PPM1D: variants seen among roughly 807,000 people sequenced by gnomAD.
The protein encoded by PPM1D is protein phosphatase 1D.
PPM1D carries 52 observed loss-of-function variants against 58.3 expected under a neutral mutation model. The ratio of observed to expected loss-of-function variants is 0.89; its 90% CI spans 0.71 to 1.12. The LOEUF (loss-of-function observed/expected upper bound fraction) is 1.12, where lower values mean the gene tolerates loss of function less well. Among genes scored for constraint, PPM1D ranks in the 50% most tolerant of loss-of-function variants. The pLI, the probability that PPM1D is intolerant of heterozygous loss-of-function variation, is 0.00. For missense variants in PPM1D, 564 were observed against 777.2 expected, an observed-to-expected ratio of 0.73 and a Z score of 3.26; for synonymous variants, 278 against 285.1, an observed-to-expected ratio of 0.98 and a Z score of 0.25.
intron 2 of PPM1D, among the ~76,000 whole-genome samples, chr17:60,625,092 A>C (rs965915171): frequency 1.6e-4 from 25 of 152,076 alleles, no homozygotes; most frequent in African/African-American, 5.8e-4. Flanking sequence ...CAGTGAGCTG[A>C]GATTGCGCCA....
intron 4 of PPM1D, 126 bp downstream of exon 4, chr17:60,648,208 G>GTGGGTAA: frequency 1.1e-6 from 1 of 950,906 alleles, no homozygotes; most frequent in Non-Finnish European, 1.5e-6. Context: ...TGATCTGCTA[G>GTGGGTAA]TGGGTAAAAC....
intron 3 of PPM1D, among the ~76,000 whole-genome samples, chr17:60,643,603 A>G (rs1309321798): frequency 1.3e-5 from 2 of 152,082 alleles, no homozygotes; most frequent in Non-Finnish European, 2.9e-5. Flanking sequence ...CTTTCACCCT[A>G]CAGACTACTC....
intron 3 of PPM1D, among the ~76,000 whole-genome samples, chr17:60,644,395 C>T (rs904290529): frequency 2.6e-5 from 4 of 152,148 alleles, no homozygotes; most frequent in African/African-American, 9.7e-5. Context: ...CTCCACCTCC[C>T]AAAGTGCTGG....
At position 60,600,896 on chromosome 17, in the gene PPM1D, C is replaced by T. The variant is rs778521213; in HGVS notation, c.472+10C>T. 2 of 1,612,862 alleles carry T rather than the reference C, an allele frequency of 1.2e-6. No homozygotes were observed. The highest frequency in any genetic ancestry group is 1.3e-5 in the African/African-American group (1 of 74,942). ...ATGTGGAAGAAACTGGGTAAGTTCC[C>T]TGGCTTGTTTGGCGCCCGCCCCTTT... is the stretch of plus-strand genomic sequence containing the variant. On this transcript the variant is annotated intron_variant, in intron 1 of 5. Transcript: ENST00000305921.
At chr17:60,653,921 T>A (rs2031387752) in intron 4 of PPM1D, among the ~76,000 whole-genome samples, 1 of 152,204 alleles carries the variant, frequency 6.6e-6, no homozygotes, top group Non-Finnish European at 1.5e-5. Flanking sequence ...TCTAACAGTT[T>A]TTTGGTGGCG....
chr17:60,615,945 C>A (rs1001684498), intron 1 of PPM1D, among the ~76,000 whole-genome samples: 1 of 152,148 alleles, frequency 6.6e-6, no homozygotes, highest in Non-Finnish European at 1.5e-5. Context: ...CCTGCCTCAG[C>A]CTCACAAGTA....
intron 1 of PPM1D, among the ~76,000 whole-genome samples, chr17:60,605,892 G>A (rs1427827967): frequency 6.6e-6 from 1 of 152,168 alleles, no homozygotes; most frequent in African/African-American, 2.4e-5. Context: ...GAGAAGACGC[G>A]AGACTCTGTC....
At chr17:60,661,785 C>T (rs1440417419) in intron 5 of PPM1D, among the ~76,000 whole-genome samples, 2 of 152,016 alleles carry the variant, frequency 1.3e-5, no homozygotes, top group East Asian at 3.9e-4. Context: ...ACCATTATGA[C>T]ATAGTTGCTT....
At position 60,665,090 on chromosome 17, in the gene PPM1D, G is replaced by C. The variant is rs1032380484; in HGVS notation, c.*1538G>C. ...GGGTTCCTGCGATTCTCCTGCCTCA[G>C]CCTCCTGAGTAGCTGAGATTACAGG... On this transcript the variant is annotated 3_prime_UTR_variant, in exon 6 of 6. Transcript: ENST00000305921. 6.6e-6 allele frequency: 1 copy of C among 151,920 alleles called. No individual in the cohort carries two copies. The highest frequency in any genetic ancestry group is 6.6e-5 in the Admixed American group (1 of 15,190). 9.4% of individuals were successfully genotyped at this position (151,920 alleles called of 1,614,324 possible).
chr17:60,663,303 C>T lies in PPM1D; in HGVS notation c.1569C>T (p.Ala523=), dbSNP rs1208158369. Residue 523 remains alanine, a synonymous_variant, in exon 6 of 6, where the codon GCC becomes GCT. Coordinates refer to ENST00000305921, the MANE Select transcript of PPM1D (RefSeq NM_003620.4). The stretch of plus-strand genomic sequence containing the variant: ...TGTCAACTCCTGGCCAAATGAAAGC[C>T]CAAGAAATTGAAAGAACCCCTCCAA... The part of the protein sequence containing the change: ...LKMSTPGQMK[A]QEIERTPPTN... 6.2e-7 allele frequency: 1 copy of T among 1,614,080 alleles called. No individual in the cohort carries two copies. Among genetic ancestry groups the T allele is most frequent in the African/African-American group, 1.3e-5 (1 of 75,002 alleles).
chr17:60,650,456 C>T (rs1567976079), intron 4 of PPM1D, among the ~76,000 whole-genome samples: 1 of 151,812 alleles, frequency 6.6e-6, no homozygotes, highest in African/African-American at 2.4e-5. Context: ...GAGGCTGATG[C>T]AGGAGAATTG....
At chr17:60,660,497 G>C (rs910754707) in intron 5 of PPM1D, among the ~76,000 whole-genome samples, 3 of 151,704 alleles carry the variant, frequency 2.0e-5, no homozygotes, top group African/African-American at 7.3e-5. Context: ...TGATTAGATC[G>C]AGATCATTTT....
At chr17:60,601,994 A>G (rs187457467) in intron 1 of PPM1D, among the ~76,000 whole-genome samples, 2 of 152,354 alleles carry the variant, frequency 1.3e-5, no homozygotes, top group East Asian at 3.9e-4. Context: ...TAGAGAAAAG[A>G]GTTAGATTTA....
At chr17:60,601,814 C>T (rs2030218494) in intron 1 of PPM1D, among the ~76,000 whole-genome samples, 1 of 152,002 alleles carries the variant, frequency 6.6e-6, no homozygotes, top group South Asian at 2.1e-4. Flanking sequence ...ATTTCTGTGC[C>T]CAACATTTAC....
intron 3 of PPM1D, among the ~76,000 whole-genome samples, chr17:60,635,007 A>G (rs2030996750): frequency 6.6e-6 from 1 of 151,788 alleles, no homozygotes; most frequent in African/African-American, 2.4e-5. Context: ...CCTGGGCTTA[A>G]GCCATCCTCC....
At chr17:60,640,193 C>T (rs2031106528) in intron 3 of PPM1D, among the ~76,000 whole-genome samples, 1 of 152,156 alleles carries the variant, frequency 6.6e-6, no homozygotes, top group African/African-American at 2.4e-5. Flanking sequence ...CGCTTGTAGT[C>T]TCAGTTACTC....
intron 1 of PPM1D, among the ~76,000 whole-genome samples, chr17:60,617,618 G>C (rs903757150): frequency 2.0e-5 from 3 of 151,918 alleles, no homozygotes; most frequent in African/African-American, 7.3e-5. Context: ...ATAATTGAAA[G>C]GGCTGAAGAA....
In PPM1D at chr17:60,635,661, A is replaced by G. The variant is rs1400392954; in HGVS notation, c.826+1684A>G. ...GCTACTTGAGACTGAGGTAACTAACATGGACTCTCTAGCCACTGAGGACCC... is the reference window on the plus strand; with the variant it reads ...GCTACTTGAGACTGAGGTAACTAACGTGGACTCTCTAGCCACTGAGGACCC... On this transcript the variant is annotated intron_variant, in intron 3 of 5. Transcript: ENST00000305921. 2.6e-5 allele frequency among the ~76,000 whole-genome samples: 4 copies of G among 152,300 alleles called. No individual in the cohort carries two copies. In the East Asian group the frequency reaches 7.7e-4, roughly 29 times the overall value.
chr17:60,625,904 A>AGGAT lies in PPM1D; in HGVS notation c.701+2156_701+2159dup, dbSNP rs140384227. 3.1e-3 allele frequency among the ~76,000 whole-genome samples: 479 copies of AGGAT among 152,280 alleles called. 4 individuals are homozygous for AGGAT. The highest frequency in any genetic ancestry group is 6.9e-3 in the Admixed American group (105 of 15,280). ...TTCAAATTCAGGTAGCATAAAAAAG[A>AGGAT]GGATATGCTATGGAAGGTCTCTCAG... On this transcript the variant is annotated intron_variant, in intron 2 of 5. Coordinates refer to ENST00000305921, the MANE Select transcript of PPM1D (RefSeq NM_003620.4).
Sources: gnomAD v4.1 joint callset for allele counts (sites outside exome capture counted in the v4.1 genomes callset) on GRCh38, gnomAD v4.1.1 for gene constraint, MANE v1.5 for transcripts, NCBI Gene and HGNC (gene_info 2026-07-23, HGNC 2026-07-21) for gene names.